The following CALD1 variants were observed in gnomAD, a reference collection of about 807,000 sequenced individuals.
The protein encoded by CALD1 is caldesmon 1.
In CALD1, 33 loss-of-function variants were observed where a neutral mutation model predicts 99.9. That is an observed-to-expected ratio of 0.33 (90% confidence interval 0.25 to 0.44). The LOEUF (loss-of-function observed/expected upper bound fraction) is 0.44, where lower values mean the gene tolerates loss of function less well. Among genes scored for constraint, CALD1 ranks in the 20% least tolerant of loss-of-function variants. CALD1 has a pLI of 1.00. For synonymous variants in CALD1, 310 were observed against 325.0 expected, an observed-to-expected ratio of 0.95 and a Z score of 0.50; for missense variants, 861 against 962.1, an observed-to-expected ratio of 0.89 and a Z score of 1.39.
chr7:134,872,222 T>G (rs984822011), intron 3 of CALD1, among the ~76,000 whole-genome samples: 2 of 151,860 alleles, frequency 1.3e-5, no homozygotes, highest in African/African-American at 4.8e-5. Flanking sequence ...CTAGGCATGG[T>G]GGTGGGTGCC....
chr7:134,770,034 T>TGA (rs1796864341), intron 1 of CALD1, among the ~76,000 whole-genome samples: 1 of 152,186 alleles, frequency 6.6e-6, no homozygotes, highest in Admixed American at 6.5e-5. Context: ...GAACAGAAAT[T>TGA]TTTATTTCTT....
chr7:134,927,414 T>C (rs1253039320), intron 3 of CALD1, among the ~76,000 whole-genome samples: 1 of 151,420 alleles, frequency 6.6e-6, no homozygotes, highest in Admixed American at 6.6e-5. Context: ...TAGCTGGGTG[T>C]GGTGGTGTGC....
intron 4 of CALD1, among the ~76,000 whole-genome samples, chr7:134,931,319 A>G (rs1157530850): frequency 6.6e-6 from 1 of 152,168 alleles, no homozygotes; most frequent in Non-Finnish European, 1.5e-5. Context: ...GCACTTTGGA[A>G]TTTTGGTGCC....
chr7:134,767,932 G>C lies in CALD1; in HGVS notation c.-130+23569G>C, dbSNP rs141511397. 3.4e-3 allele frequency among the ~76,000 whole-genome samples: 521 copies of C among 152,346 alleles called. 3 individuals carry two copies. The highest frequency in any genetic ancestry group is 4.9e-3 in the Non-Finnish European group (335 of 68,024). On this transcript the variant is annotated intron_variant, in intron 1 of 13. Coordinates refer to the CALD1 transcript ENST00000417172. ...AAATGAATGAATAAACAAATGAATA[G>C]CTGAGAAAACTCTAGCCACAGCTTT...
intron 2 of CALD1, among the ~76,000 whole-genome samples, chr7:134,855,508 C>A (rs571054868): frequency 1.3e-5 from 2 of 152,270 alleles, no homozygotes; most frequent in South Asian, 4.1e-4. Context: ...AAGTTGGATG[C>A]AGAAAAGATA....
intron 1 of CALD1, among the ~76,000 whole-genome samples, chr7:134,759,651 C>A (rs1796759849): frequency 6.6e-6 from 1 of 152,170 alleles, no homozygotes; most frequent in South Asian, 2.1e-4. Flanking sequence ...GGGCTAGGAG[C>A]TAAATTATTA....
chr7:134,940,995 G>A, intron 6 of CALD1, 97 bp from the exon 7 acceptor site: 1 of 935,832 alleles, frequency 1.1e-6, no homozygotes, highest in East Asian at 2.7e-5. Flanking sequence ...TGAGTTTTCT[G>A]CCTTCCTAAC....
rs988800234 is a variant in CALD1 at position 134,766,873 on chromosome 7, A to T, written c.-130+22510A>T. ...AAGGGAGGCTGAAGACAAAATGGCC[A>T]TGGATCAAGAGCTGAGGTCATGGAC... On this transcript the variant is annotated intron_variant, in intron 1 of 13. Coordinates refer to the CALD1 transcript ENST00000417172. Among the ~76,000 whole-genome samples, 2 of 152,178 alleles carry T rather than the reference A, an allele frequency of 1.3e-5. 1 individual carries two copies. Among genetic ancestry groups the T allele is most frequent in the South Asian group, 4.1e-4 (2 of 4,834 alleles).
intron 4 of CALD1, among the ~76,000 whole-genome samples, chr7:134,930,426 G>C (rs1348661071): frequency 6.6e-6 from 1 of 152,170 alleles, no homozygotes; most frequent in African/African-American, 2.4e-5. Context: ...GATCTCACAT[G>C]TGGTTTTGGT....
intron 1 of CALD1, among the ~76,000 whole-genome samples, chr7:134,767,557 T>G (rs1274399823): frequency 6.6e-6 from 1 of 152,226 alleles, no homozygotes. Flanking sequence ...TTTATTTTTA[T>G]TTTTCTGAAA....
At chr7:134,821,985 G>T (rs1220635349) in intron 1 of CALD1, 1 of 151,950 alleles carries the variant, frequency 6.6e-6, no homozygotes, top group East Asian at 1.9e-4. Flanking sequence ...TCTTTCAAAG[G>T]TTTAACAATT....
intron 2 of CALD1, among the ~76,000 whole-genome samples, chr7:134,857,009 A>G (rs748772216): frequency 6.6e-6 from 1 of 152,290 alleles, no homozygotes; most frequent in South Asian, 2.1e-4. Context: ...TTTCTAAGAG[A>G]TAACAACCTT....
intron 1 of CALD1, among the ~76,000 whole-genome samples, chr7:134,801,311 A>G (rs188255475): frequency 2.4e-4 from 37 of 152,234 alleles, no homozygotes; most frequent in African/African-American, 8.9e-4. Context: ...TCGTTTTTAA[A>G]CCTTGACAAA....
At chr7:134,789,031 T>TAAAAAAAAAAAAAAAAAAA (rs35315682) in intron 1 of CALD1, among the ~76,000 whole-genome samples, 1 of 116,778 alleles carries the variant, frequency 8.6e-6, no homozygotes, top group Non-Finnish European at 1.7e-5. Context: ...AAACAAAAAG[T>TAAAAAAAAAAAAAAAAAAA]AAAAAAAAAA....
rs113157290 is a variant in CALD1, at chr7:134,933,249, C to T, written c.480C>T (p.Tyr160=). ...AAAGTGAAAGTCGCCAAGAAAGATA[C>T]GAGATAGAGGAAACAGAAACAGTCA... ...EEKSESRQER[Y]EIEETETVTK... Residue 160 remains tyrosine (Y), a synonymous_variant, in exon 5 of 15, where the codon TAC becomes TAT. Coordinates refer to ENST00000361675, the MANE Select transcript of CALD1 (RefSeq NM_033138.4). 47 of 1,602,716 alleles carry T rather than the reference C, an allele frequency of 2.9e-5. No individual in the cohort carries two copies. The highest frequency in any genetic ancestry group is 1.1e-4 in the African/African-American group (8 of 72,324).
In CALD1 at chr7:134,960,551, G is replaced by A; in HGVS notation, c.2218G>A (p.Val740Ile). Reference sequence around the variant, plus strand: ...TTTGTAGGAAACTGCTGGCTTGAAGGTAGGGGTTTCTAGCCGCATCAATGA... The same window carrying A: ...TTTGTAGGAAACTGCTGGCTTGAAGATAGGGGTTTCTAGCCGCATCAATGA... ...TPNKETAGLK[V>I]GVSSRINEWL... The change falls in exon 13 of 15, where the codon GTA becomes ATA. Residue 740 changes from valine to isoleucine, a missense_variant. By Grantham distance (29) the Val-to-Ile change is conservative (BLOSUM62 3). Coordinates refer to ENST00000361675, the MANE Select transcript of CALD1 (RefSeq NM_033138.4). 6 of 1,612,142 alleles carry A rather than the reference G, an allele frequency of 3.7e-6. No individual in the cohort carries two copies. Among genetic ancestry groups the A allele is most frequent in the Non-Finnish European group, 5.1e-6 (6 of 1,178,204 alleles).
intron 8 of CALD1, among the ~76,000 whole-genome samples, chr7:134,949,819 A>T (rs1439019296): frequency 6.6e-6 from 1 of 152,104 alleles, no homozygotes; most frequent in Non-Finnish European, 1.5e-5. Flanking sequence ...AGGGGTGTCC[A>T]ATCTTTTGGC....
intron 3 of CALD1, among the ~76,000 whole-genome samples, chr7:134,926,086 C>T (rs1230043753): frequency 2.0e-5 from 3 of 152,128 alleles, no homozygotes; most frequent in Admixed American, 1.3e-4. Context: ...AAGGAACATT[C>T]GAATCCTGTC....
intron 1 of CALD1, among the ~76,000 whole-genome samples, chr7:134,816,004 C>T (rs556916630): frequency 6.6e-6 from 1 of 152,236 alleles, no homozygotes; most frequent in Non-Finnish European, 1.5e-5. Context: ...CTTGTCTTGT[C>T]TCCTCTTAAC....
Sources: gnomAD v4.1 joint callset for allele counts (sites outside exome capture counted in the v4.1 genomes callset) on GRCh38, gnomAD v4.1.1 for gene constraint, MANE v1.5 for transcripts, NCBI Gene and HGNC (gene_info 2026-07-23, HGNC 2026-07-21) for gene names.